The following FA2H variants were observed in gnomAD, a reference collection of about 807,000 sequenced individuals.
The protein encoded by FA2H is fatty acid 2-hydroxylase.
A neutral mutation model predicts 44.9 loss-of-function variants in FA2H; 22 were observed. The ratio of observed to expected loss-of-function variants is 0.49; its 90% CI spans 0.35 to 0.70. The LOEUF is 0.70. Among genes scored for constraint, FA2H ranks in the 30% least tolerant of loss-of-function variants. FA2H has a pLI of 0.01. For missense variants in FA2H, 501 were observed against 504.9 expected, an observed-to-expected ratio of 0.99 and a Z score of 0.07; for synonymous variants, 243 against 213.2, an observed-to-expected ratio of 1.14 and a Z score of -1.22.
At chr16:74,740,668 T>TAATAAA (rs1173851680) in intron 1 of FA2H, among the ~76,000 whole-genome samples, 4 of 144,420 alleles carry the variant, frequency 2.8e-5, no homozygotes, top group South Asian at 4.4e-4. Flanking sequence ...ATAATAATAA[T>TAATAAA]AAAATTTCTG....
At chr16:74,734,434 C>CG (rs1223979276) in intron 2 of FA2H, among the ~76,000 whole-genome samples, 1 of 152,216 alleles carries the variant, frequency 6.6e-6, no homozygotes, top group African/African-American at 2.4e-5. Flanking sequence ...ACCAACGGGC[C>CG]GGGGCCCAGG....
chr16:74,748,950 C>G (rs1007283883), intron 1 of FA2H, among the ~76,000 whole-genome samples: 1 of 152,178 alleles, frequency 6.6e-6, no homozygotes, highest in African/African-American at 2.4e-5. Context: ...CCCATGGAGG[C>G]CCAGGGGGAA....
In FA2H at chr16:74,752,616, A is replaced by T. The variant is rs117342809; in HGVS notation, c.271-12501T>A. On this transcript the variant is annotated intron_variant, in intron 1 of 6. Coordinates refer to ENST00000219368, the MANE Select transcript of FA2H (RefSeq NM_024306.5). ...ATGTCTGTCTCACTCCTCTGAGGTA[A>T]TCCCCATGAGTGTCTCAGCCAGGTG... Among the ~76,000 whole-genome samples the T allele has an allele frequency of 1.4e-3, 214 of 152,200 alleles. 2 individuals are homozygous for T. The highest frequency in any genetic ancestry group is 2.7e-3 in the Non-Finnish European group (185 of 68,018).
intron 1 of FA2H, among the ~76,000 whole-genome samples, chr16:74,771,495 C>T (rs574794738): frequency 3.0e-4 from 45 of 152,064 alleles, no homozygotes; most frequent in Middle Eastern, 6.8e-3. Context: ...CAACCACACC[C>T]GGCTAATTTT....
chr16:74,768,654 A>G (rs1962851049), intron 1 of FA2H, among the ~76,000 whole-genome samples: 1 of 152,152 alleles, frequency 6.6e-6, no homozygotes. Flanking sequence ...GGCTGAGCTC[A>G]AGATGTTCCC....
chr16:74,722,481 A>G (rs1037196484), intron 4 of FA2H, among the ~76,000 whole-genome samples: 1 of 152,150 alleles, frequency 6.6e-6, no homozygotes, highest in African/African-American at 2.4e-5. Flanking sequence ...GCCTGCAGTG[A>G]GCTGTGATTG....
At chr16:74,727,209 G>A in intron 3 of FA2H, 35 bp downstream of exon 3, 4 of 1,613,622 alleles carry the variant, frequency 2.5e-6, no homozygotes, top group Non-Finnish European at 3.4e-6. Context: ...TCAGAAGAGA[G>A]GGACAGCCTG....
chr16:74,738,597 C>G (rs1163278751), intron 2 of FA2H, among the ~76,000 whole-genome samples: 1 of 152,206 alleles, frequency 6.6e-6, no homozygotes. Context: ...AGAATTCAAG[C>G]CCTAAGCCAA....
rs564371214 is a variant in FA2H, at chr16:74,740,540, A to G, written c.271-425T>C. Among the ~76,000 whole-genome samples the G allele has an allele frequency of 7.9e-5, 12 of 151,354 alleles. No individual in the cohort carries two copies. The South Asian group carries it at 2.5e-3, about 32-fold the overall frequency. ...GAGGCTGAGGCAGAAGAATCGCTTG[A>G]ACCCGGGAGGTAGAGGTTGCAGTGA... On this transcript the variant is annotated intron_variant, in intron 1 of 6. Coordinates refer to ENST00000219368, the MANE Select transcript of FA2H (RefSeq NM_024306.5).
At chr16:74,744,317 T>C (rs1182995187) in intron 1 of FA2H, among the ~76,000 whole-genome samples, 3 of 152,224 alleles carry the variant, frequency 2.0e-5, no homozygotes, top group Non-Finnish European at 4.4e-5. Flanking sequence ...ACATTCATTA[T>C]TTAAAAGGTT....
At chr16:74,763,965 G>A (rs1451955395) in intron 1 of FA2H, among the ~76,000 whole-genome samples, 1 of 152,196 alleles carries the variant, frequency 6.6e-6, no homozygotes, top group Admixed American at 6.5e-5. Context: ...TACCATCAAG[G>A]TAAGAAACTG....
In FA2H at chr16:74,767,116, C is replaced by A. The variant is rs544142531; in HGVS notation, c.270+7370G>T. 5.3e-5 allele frequency among the ~76,000 whole-genome samples: 8 copies of A among 152,288 alleles called. 1 individual carries two copies. The East Asian group carries it at 1.5e-3, about 29-fold the overall frequency. ...GCGAGGTTAAGAGATCAAGATCATC[C>A]TGGCCAACATAGTGAAACCCCGTCT... On this transcript the variant is annotated intron_variant, in intron 1 of 6. Coordinates refer to ENST00000219368, the MANE Select transcript of FA2H (RefSeq NM_024306.5).
chr16:74,774,503 G>A lies in FA2H; in HGVS notation c.253C>T (p.Leu85Phe). The A allele has an allele frequency of 6.5e-7, 1 of 1,543,662 alleles. No individual in the cohort carries two copies. The highest frequency in any genetic ancestry group is 8.7e-7 in the Non-Finnish European group (1 of 1,153,910). ...RWLEQYYVGE[L>F]RGEQQGSMEN... The stretch of plus-strand genomic sequence containing the variant: ...GGCTGTACCTGCTGCTCCCCGCGGA[G>A]CTCTCCCACGTAGTACTGCTCCAGC... Residue 85 changes from leucine to phenylalanine, a missense_variant, in exon 1 of 7, where the codon CTC becomes TTC. Transcript: ENST00000219368.
At chr16:74,736,730 TG>T (rs1363704700) in intron 2 of FA2H, among the ~76,000 whole-genome samples, 1 of 152,152 alleles carries the variant, frequency 6.6e-6, no homozygotes, top group Non-Finnish European at 1.5e-5. Flanking sequence ...GTGGCTGGCT[TG>T]GGAGACACTG....
At position 74,774,710 on chromosome 16, in the gene FA2H, C is replaced by T. The variant is rs1192351415; in HGVS notation, c.46G>A (p.Val16Ile). The T allele has an allele frequency of 1.5e-6, 2 of 1,353,068 alleles. No homozygotes were observed. Among genetic ancestry groups the T allele is most frequent in the Admixed American group, 3.8e-5 (1 of 26,324 alleles). 83.8% of individuals were successfully genotyped at this position (1,353,068 alleles called of 1,614,324 possible). A position where few individuals can be genotyped will look rare whatever the true frequency, so the allele number is the denominator to read the frequency against. Residue 16 changes from valine (V) to isoleucine (I), a missense_variant, in exon 1 of 7, where the codon GTC becomes ATC. By Grantham distance (29) the Val-to-Ile change is conservative (BLOSUM62 3). Coordinates refer to ENST00000219368, the MANE Select transcript of FA2H (RefSeq NM_024306.5). ...GCGCCGGCCGCCAGGCGCCGCTGGA[C>T]CTCGGAGGGCGAGAAGGAGGCGGCG... ...PPAASFSPSEVQRRLAAGACW... is the reference protein window; with the variant it reads ...PPAASFSPSEIQRRLAAGACW...
intron 1 of FA2H, among the ~76,000 whole-genome samples, chr16:74,767,481 A>G (rs1962830999): frequency 6.6e-6 from 1 of 152,212 alleles, no homozygotes; most frequent in Admixed American, 6.5e-5. Context: ...GATGTCATTA[A>G]GTGAAAGATC....
At chr16:74,722,833 C>T (rs1024581768) in intron 4 of FA2H, among the ~76,000 whole-genome samples, 65 of 151,026 alleles carry the variant, frequency 4.3e-4, no homozygotes, top group African/African-American at 1.5e-3. Flanking sequence ...ATCGCTTGAA[C>T]CCGAGAGGCA....
intron 1 of FA2H, among the ~76,000 whole-genome samples, chr16:74,742,925 T>C (rs1962343242): frequency 6.6e-6 from 1 of 152,200 alleles, no homozygotes; most frequent in African/African-American, 2.4e-5. Flanking sequence ...GAAGTATGTG[T>C]TTTCAGGATA....
At chr16:74,746,461 T>C (rs1451162517) in intron 1 of FA2H, among the ~76,000 whole-genome samples, 1 of 151,450 alleles carries the variant, frequency 6.6e-6, no homozygotes, top group Non-Finnish European at 1.5e-5. Context: ...TGGCCTCAGG[T>C]GATCCTCCTA....
Sources: allele counts gnomAD v4.1 joint callset (sites outside exome capture counted in the v4.1 genomes callset), GRCh38; gene constraint gnomAD v4.1.1; transcripts MANE v1.5; gene names NCBI Gene and HGNC (gene_info 2026-07-23, HGNC 2026-07-21).